Variants in CNTLN observed in about 807,000 individuals in gnomAD.
CNTLN encodes the protein centlein.
In CNTLN, 212 loss-of-function variants were observed where a neutral mutation model predicts 180.0. The ratio of observed to expected loss-of-function variants is 1.18; its 90% CI spans 1.05 to 1.32. The LOEUF is 1.32. Among genes scored for constraint, CNTLN ranks in the 40% most tolerant of loss-of-function variants. CNTLN has a pLI of 0.00. For missense variants in CNTLN, 2,095 were observed against 1,610.9 expected (o/e 1.30, Z -5.14); for synonymous variants, 722 against 563.1 (o/e 1.28, Z -3.99).
chr9:17,486,964 C>T (rs769246013), intron 24 of CNTLN, 25 bp from the exon 25 acceptor site: 2 of 1,279,722 alleles, frequency 1.6e-6, no homozygotes, highest in Non-Finnish European at 2.2e-6. Flanking sequence ...TCGTTAACAC[C>T]AGTGTTTTTA....
chr9:17,366,830 A>T (rs1199332767), intron 13 of CNTLN, 113 bp downstream of exon 13: 2 of 623,368 alleles, frequency 3.2e-6, no homozygotes, highest in East Asian at 3.2e-5. Flanking sequence ...CTTTTCCAAC[A>T]CTTTATTCAT....
chr9:17,520,390 T>C, the CNTLN span, among the ~76,000 whole-genome samples: 514 of 152,268 alleles, frequency 3.4e-3, 4 homozygotes, highest in African/African-American at 0.012. Flanking sequence ...AGAGAAACAG[T>C]CCCTTAATAA....
chr9:17,212,839 C>T (rs2131980443), intron 2 of CNTLN, among the ~76,000 whole-genome samples: 1 of 152,272 alleles, frequency 6.6e-6, no homozygotes, highest in East Asian at 1.9e-4. Context: ...AGTTTATTTG[C>T]ATAGATGTGT....
At chr9:17,312,408 A>T (rs959673018) in intron 8 of CNTLN, among the ~76,000 whole-genome samples, 6 of 145,698 alleles carry the variant, frequency 4.1e-5, no homozygotes, top group Non-Finnish European at 9.0e-5. Context: ...TTTTTTTGAT[A>T]CAGAGTCTCA....
At chr9:17,236,303 G>A in intron 4 of CNTLN, 106 bp from the exon 5 acceptor site, 1 of 912,540 alleles carries the variant, frequency 1.1e-6, no homozygotes. Context: ...AAGCTTCTGT[G>A]AGGGTAAAAC....
At chr9:17,294,910 CG>C (rs1409625175) in intron 6 of CNTLN, among the ~76,000 whole-genome samples, 5 of 7,448 alleles carry the variant, frequency 6.7e-4, no homozygotes, top group African/African-American at 1.3e-3. Flanking sequence ...GGGGGGAGGG[CG>C]GGGGGGAGTG....
At chr9:17,277,862 A>G (rs765198221) in intron 6 of CNTLN, among the ~76,000 whole-genome samples, 2 of 152,140 alleles carry the variant, frequency 1.3e-5, no homozygotes, top group Non-Finnish European at 2.9e-5. Flanking sequence ...TAATATATTC[A>G]GGGAAATATC....
intron 2 of CNTLN, among the ~76,000 whole-genome samples, chr9:17,208,652 T>G (rs896507298): frequency 1.3e-5 from 2 of 152,210 alleles, no homozygotes; most frequent in African/African-American, 4.8e-5. Flanking sequence ...TACTTGTTAC[T>G]GGTCTGTTCA....
intron 3 of CNTLN, among the ~76,000 whole-genome samples, chr9:17,227,180 A>T (rs999722807): frequency 6.6e-6 from 1 of 151,184 alleles, no homozygotes; most frequent in African/African-American, 2.4e-5. Flanking sequence ...TGACCCAAAC[A>T]CCCCTCACCA....
chr9:17,195,483 T>C (rs79288926), intron 2 of CNTLN, among the ~76,000 whole-genome samples: 2,398 of 152,264 alleles, frequency 0.016, 56 homozygotes, highest in African/African-American at 0.054. Context: ...TCAATTATTA[T>C]CTGGTTTTAT....
At chr9:17,197,717 T>C (rs1822227083) in intron 2 of CNTLN, among the ~76,000 whole-genome samples, 1 of 152,234 alleles carries the variant, frequency 6.6e-6, no homozygotes, top group Non-Finnish European at 1.5e-5. Context: ...CTTCCTTTGC[T>C]ATGCAGAAGC....
In CNTLN at chr9:17,301,759, A is replaced by G. The variant is rs1818370501; in HGVS notation, c.1146+3407A>G. ...ATTTTGTCTACAGTTAGTAGACATT[A>G]CAATTGTTTTGGTGGCTGTATGTAG... On this transcript the variant is annotated intron_variant, in intron 7 of 25. Transcript: ENST00000380647. The G allele has an allele frequency of 8.3e-6, 8 of 965,668 alleles. No homozygotes were observed. In the South Asian group the frequency reaches 3.9e-4, roughly 46 times the overall value. 59.8% of individuals were successfully genotyped at this position (965,668 alleles called of 1,614,324 possible). A position where few individuals can be genotyped will look rare whatever the true frequency, so the allele number is the denominator to read the frequency against.
intron 2 of CNTLN, among the ~76,000 whole-genome samples, chr9:17,155,050 A>G (rs1038564474): frequency 6.6e-6 from 1 of 152,106 alleles, no homozygotes; most frequent in African/African-American, 2.4e-5. Flanking sequence ...TGGATGCGCC[A>G]CCTTTAAGAG....
chr9:17,303,802 AC>A (rs1248306588), intron 7 of CNTLN, among the ~76,000 whole-genome samples: 4 of 152,168 alleles, frequency 2.6e-5, no homozygotes, highest in Non-Finnish European at 4.4e-5. Context: ...AAAATTTCAA[AC>A]ATTTTCACAT....
intron 18 of CNTLN, among the ~76,000 whole-genome samples, chr9:17,437,737 A>G (rs1372705): frequency 6.6e-6 from 1 of 151,920 alleles, no homozygotes; most frequent in Non-Finnish European, 1.5e-5. Context: ...TTAAATATGA[A>G]CCTTGTCCCC....
chr9:17,166,813 C>A, intron 2 of CNTLN: 1 of 401,336 alleles, frequency 2.5e-6, no homozygotes. Flanking sequence ...ATTACATATT[C>A]TTAGGAGGCC....
chr9:17,309,530 A>G (rs1818979210), intron 8 of CNTLN, among the ~76,000 whole-genome samples: 2 of 152,030 alleles, frequency 1.3e-5, no homozygotes, highest in Non-Finnish European at 2.9e-5. Flanking sequence ...AAGCAAATTA[A>G]TAGGTCATGC....
At position 17,416,012 on chromosome 9, in the gene CNTLN, C is replaced by A. The variant is rs1037618689; in HGVS notation, c.2937C>A (p.Ser979Arg). Residue 979 changes from serine (S) to arginine (R), a missense_variant, in exon 18 of 26, where the codon AGC (serine) becomes AGA (arginine). Physicochemically the swap from Ser to Arg is moderately radical, Grantham distance 110. Coordinates refer to ENST00000380647, the MANE Select transcript of CNTLN (RefSeq NM_017738.4). The part of the protein sequence containing the change: ...YKNITAQKSS[S>R]NIILLRERII... Reference sequence around the variant, plus strand: ...ATATAACTGCCCAGAAATCAAGTAGCAATATTATTTTATTACGAGAACGGA... The same window carrying A: ...ATATAACTGCCCAGAAATCAAGTAGAAATATTATTTTATTACGAGAACGGA... 6.2e-7 allele frequency: 1 copy of A among 1,612,630 alleles called. No homozygotes were observed. Among genetic ancestry groups the A allele is most frequent in the Non-Finnish European group, 8.5e-7 (1 of 1,179,558 alleles).
intron 23 of CNTLN, among the ~76,000 whole-genome samples, chr9:17,476,569 A>G (rs1390765071): frequency 2.6e-5 from 4 of 152,204 alleles, no homozygotes; most frequent in African/African-American, 9.7e-5. Context: ...CACAAATGAT[A>G]AGAAAGTGAA....
Sources: gnomAD v4.1 joint callset for allele counts (sites outside exome capture counted in the v4.1 genomes callset) on GRCh38, gnomAD v4.1.1 for gene constraint, MANE v1.5 for transcripts, NCBI Gene and HGNC (gene_info 2026-07-23, HGNC 2026-07-21) for gene names.